Variants in RIMS1 observed in about 807,000 individuals in gnomAD.
The protein encoded by RIMS1 is regulating synaptic membrane exocytosis 1.
RIMS1 carries 83 observed loss-of-function variants against 214.1 expected under a neutral mutation model. The ratio of observed to expected loss-of-function variants is 0.39; its 90% CI spans 0.32 to 0.47. The LOEUF is 0.47. RIMS1 is among the 20% of genes least tolerant of loss of function. The pLI is 0.99. For missense variants in RIMS1, 2,050 were observed against 2,161.8 expected, an observed-to-expected ratio of 0.95 and a Z score of 1.03; for synonymous variants, 793 against 786.8, an observed-to-expected ratio of 1.01 and a Z score of -0.13.
At chr6:72,161,414 T>G (rs2045385686) in intron 4 of RIMS1, among the ~76,000 whole-genome samples, 1 of 140,496 alleles carries the variant, frequency 7.1e-6, no homozygotes, top group South Asian at 2.4e-4. Context: ...CTTAGTTATT[T>G]CTTGCCTTCT....
At chr6:72,079,824 C>T (rs1477171005) in intron 2 of RIMS1, among the ~76,000 whole-genome samples, 1 of 151,708 alleles carries the variant, frequency 6.6e-6, no homozygotes, top group Non-Finnish European at 1.5e-5. Context: ...ATTGAGGCTA[C>T]AGTGAGCTGT....
chr6:72,188,522 C>T (rs978120914), intron 6 of RIMS1, among the ~76,000 whole-genome samples: 6 of 152,144 alleles, frequency 3.9e-5, no homozygotes, highest in African/African-American at 1.4e-4. Flanking sequence ...TGTATACATG[C>T]ACAAATATGT....
chr6:72,270,684 C>T (rs2082610018), intron 22 of RIMS1, among the ~76,000 whole-genome samples: 5 of 152,178 alleles, frequency 3.3e-5, no homozygotes, highest in Admixed American at 3.3e-4. Flanking sequence ...ACTTCTGCTA[C>T]AGGGTCAGGC....
chr6:72,199,569 T>C (rs566742433), intron 6 of RIMS1, among the ~76,000 whole-genome samples: 2 of 152,140 alleles, frequency 1.3e-5, no homozygotes, highest in South Asian at 2.1e-4. Context: ...CTGACAGATA[T>C]GGGAGTTGAA....
At chr6:72,229,366 A>T (rs117252914) in intron 6 of RIMS1, among the ~76,000 whole-genome samples, 1 of 152,016 alleles carries the variant, frequency 6.6e-6, no homozygotes, top group Non-Finnish European at 1.5e-5. Flanking sequence ...ATTTATGTAA[A>T]TTTTGCAACA....
intron 24 of RIMS1, among the ~76,000 whole-genome samples, chr6:72,287,445 G>C (rs2092546516): frequency 6.6e-6 from 1 of 152,146 alleles, no homozygotes; most frequent in Non-Finnish European, 1.5e-5. Context: ...TGAGAAGTAT[G>C]TTTTACTTAA....
intron 6 of RIMS1, among the ~76,000 whole-genome samples, chr6:72,187,213 GTTA>G (rs989923124): frequency 1.3e-5 from 2 of 152,076 alleles, no homozygotes. Flanking sequence ...GGCTCATTTT[GTTA>G]TTATTGCTGC....
At chr6:72,209,841 C>T (rs533504015) in intron 6 of RIMS1, among the ~76,000 whole-genome samples, 6 of 140,516 alleles carry the variant, frequency 4.3e-5, no homozygotes, top group East Asian at 4.0e-4. Flanking sequence ...GCGGAGCTTG[C>T]GGTGAGCTGA....
At chr6:71,951,419 G>A (rs561872955) in intron 1 of RIMS1, among the ~76,000 whole-genome samples, 1 of 151,342 alleles carries the variant, frequency 6.6e-6, no homozygotes, top group South Asian at 2.1e-4. Flanking sequence ...ATTTTGGAGT[G>A]CCTTTCTAAT....
rs551501405 is a variant in RIMS1, at chr6:71,996,180, C to T, written c.245+27117C>T. ...AGGCACCATCTCCCAAGTATAGCCA[C>T]GCAAGAGGTTCGGACTTCAACATAC... On this transcript the variant is annotated intron_variant, in intron 2 of 33. Transcript: ENST00000521978. 8.5e-5 allele frequency among the ~76,000 whole-genome samples: 13 copies of T among 152,270 alleles called. No homozygotes were observed. The South Asian group carries it at 1.5e-3, about 17-fold the overall frequency.
At chr6:71,901,229 C>T (rs1048728457) in intron 1 of RIMS1, among the ~76,000 whole-genome samples, 1 of 152,002 alleles carries the variant, frequency 6.6e-6, no homozygotes, top group African/African-American at 2.4e-5. Flanking sequence ...TAGCGTGCAT[C>T]TACACTATGA....
At chr6:72,025,825 G>A (rs1816264449) in intron 2 of RIMS1, among the ~76,000 whole-genome samples, 1 of 152,198 alleles carries the variant, frequency 6.6e-6, no homozygotes, top group African/African-American at 2.4e-5. Flanking sequence ...GTTAGCTGAT[G>A]CTATATTCAA....
chr6:72,110,412 C>G (rs1363844842), intron 4 of RIMS1, among the ~76,000 whole-genome samples: 1 of 151,036 alleles, frequency 6.6e-6, no homozygotes, highest in Non-Finnish European at 1.5e-5. Flanking sequence ...TGAAGAGGTC[C>G]TTCACATCCC....
chr6:72,360,841 TACAA>T (rs1300521458), intron 29 of RIMS1, among the ~76,000 whole-genome samples: 1 of 150,362 alleles, frequency 6.7e-6, no homozygotes, highest in Non-Finnish European at 1.5e-5. Context: ...GCATTCTAAT[TACAA>T]ACAACTCTAT....
intron 6 of RIMS1, among the ~76,000 whole-genome samples, chr6:72,196,349 CTCTGTCTG>C (rs752491713): frequency 7.6e-4 from 102 of 134,406 alleles, no homozygotes; most frequent in African/African-American, 2.6e-3. Flanking sequence ...TGGCTATTTC[CTCTGTCTG>C]TCTGTCTGTC....
At chr6:72,290,905 G>C in intron 25 of RIMS1, 44 bp downstream of exon 25, 1 of 1,585,700 alleles carries the variant, frequency 6.3e-7, no homozygotes, top group Non-Finnish European at 8.6e-7. Context: ...CCTGCCTCCG[G>C]GTGTTGGTGT....
intron 23 of RIMS1, among the ~76,000 whole-genome samples, chr6:72,282,126 A>G (rs1049566526): frequency 2.0e-5 from 3 of 152,148 alleles, no homozygotes; most frequent in African/African-American, 7.2e-5. Flanking sequence ...ACTTGTGCTG[A>G]AGATGAGAAA....
chr6:72,194,629 T>C lies in RIMS1; in HGVS notation c.1678+11480T>C, dbSNP rs561539248. Among the ~76,000 whole-genome samples the C allele has an allele frequency of 2.6e-5, 4 of 152,302 alleles. No homozygotes were observed. In the Middle Eastern group the frequency reaches 0.01, roughly 389 times the overall value. On this transcript the variant is annotated intron_variant, in intron 6 of 33. Transcript: ENST00000521978. ...TTCTCCTTGATGTATTGATATAATATTCCTATGTGTTTTGCTGTCTCACAA... is the reference window on the plus strand; with the variant it reads ...TTCTCCTTGATGTATTGATATAATACTCCTATGTGTTTTGCTGTCTCACAA...
chr6:72,005,143 C>A (rs1806968854), intron 2 of RIMS1, among the ~76,000 whole-genome samples: 1 of 152,166 alleles, frequency 6.6e-6, no homozygotes, highest in Non-Finnish European at 1.5e-5. Flanking sequence ...TTCCCCATTG[C>A]TTGTTTTTCT....
Sources: allele counts gnomAD v4.1 joint callset (sites outside exome capture counted in the v4.1 genomes callset), GRCh38; gene constraint gnomAD v4.1.1; transcripts MANE v1.5; gene names NCBI Gene and HGNC (gene_info 2026-07-23, HGNC 2026-07-21).